The following DAB2IP variants were observed in gnomAD, a reference collection of about 807,000 sequenced individuals.
DAB2IP encodes the protein disabled homolog 2-interacting protein.
In DAB2IP, 28 loss-of-function variants were observed where a neutral mutation model predicts 107.2. That is an observed-to-expected ratio of 0.26 (90% confidence interval 0.19 to 0.36). The LOEUF (loss-of-function observed/expected upper bound fraction) is 0.36. Ranked by LOEUF, DAB2IP falls within the 10% of genes least tolerant of loss-of-function variation. The pLI is 1.00. For synonymous variants in DAB2IP, 755 were observed against 706.4 expected (o/e 1.07, Z -1.09); for missense variants, 1,400 against 1,644.7 (o/e 0.85, Z 2.57).
At chr9:121,643,193 C>T (rs1419288985) in intron 1 of DAB2IP, among the ~76,000 whole-genome samples, 1 of 152,062 alleles carries the variant, frequency 6.6e-6, no homozygotes. Flanking sequence ...GCCCTGGAAT[C>T]TGTTTCTGAA....
intron 1 of DAB2IP, among the ~76,000 whole-genome samples, chr9:121,669,979 A>C (rs1833610606): frequency 6.6e-6 from 1 of 152,124 alleles, no homozygotes; most frequent in African/African-American, 2.4e-5. Context: ...ATGTATGTAG[A>C]TTTGAGTAAC....
rs577786611 is a variant in DAB2IP at position 121,782,832 on chromosome 9, C to T, written c.*334C>T. 8.2e-5 allele frequency: 92 copies of T among 1,121,876 alleles called. No individual in the cohort carries two copies. The highest frequency in any genetic ancestry group is 5.8e-4 in the African/African-American group (36 of 62,254). 69.5% of individuals were successfully genotyped at this position (1,121,876 alleles called of 1,614,324 possible). ...GTGTCCTTGTCCTCCTGGATCTGGC[C>T]GAGTGCATGTGTCCCCCCACACCTG... On this transcript the variant is annotated 3_prime_UTR_variant, in exon 16 of 16. Transcript: ENST00000408936. This position sits in a 1 kb window ranked among gnomAD's most constrained non-coding sequence, Gnocchi z 6.1.
intron 14 of DAB2IP, among the ~76,000 whole-genome samples, chr9:121,780,756 G>C (rs1835557445): frequency 6.6e-6 from 1 of 152,200 alleles, no homozygotes; most frequent in South Asian, 2.1e-4. Flanking sequence ...AGGGCTCCCA[G>C]GCAGGGAGCA....
intron 3 of DAB2IP, among the ~76,000 whole-genome samples, chr9:121,754,177 CATCTT>C (rs1833318660): frequency 6.6e-6 from 1 of 152,194 alleles, no homozygotes; most frequent in Admixed American, 6.5e-5. Context: ...TTAGCCCCCT[CATCTT>C]ATCAGCTACC....
intron 2 of DAB2IP, among the ~76,000 whole-genome samples, chr9:121,680,733 TTTTTTTTTTC>T (rs1388382554): frequency 6.6e-4 from 79 of 120,406 alleles, no homozygotes; most frequent in African/African-American, 2.0e-3. Flanking sequence ...CCCTGATCTC[TTTTTTTTTTC>T]TTTTTTTTTT....
chr9:121,626,391 G>A (rs926826905), intron 1 of DAB2IP, among the ~76,000 whole-genome samples: 2 of 150,036 alleles, frequency 1.3e-5, no homozygotes, highest in African/African-American at 4.9e-5. Context: ...CTGGGCAGAC[G>A]AGATAGTGTA....
intron 12 of DAB2IP, 32 bp from the exon 13 acceptor site, chr9:121,774,228 C>T: frequency 6.4e-7 from 1 of 1,559,120 alleles, no homozygotes; most frequent in Non-Finnish European, 8.7e-7. Context: ...CTCCACCTCC[C>T]TGCAGCCCCT....
At chr9:121,734,303 G>A (rs1831733734) in intron 3 of DAB2IP, among the ~76,000 whole-genome samples, 3 of 142,038 alleles carry the variant, frequency 2.1e-5, no homozygotes, top group Non-Finnish European at 1.5e-5. Context: ...CGTGAACCCA[G>A]GAAGCGGAGC....
intron 1 of DAB2IP, among the ~76,000 whole-genome samples, chr9:121,588,477 G>A (rs1348958143): frequency 1.3e-5 from 2 of 151,010 alleles, no homozygotes; most frequent in East Asian, 2.0e-4. Flanking sequence ...TTCATGCATA[G>A]GAGATCCATC....
chr9:121,585,877 G>T (rs755428912), intron 1 of DAB2IP, among the ~76,000 whole-genome samples: 2 of 151,866 alleles, frequency 1.3e-5, no homozygotes, highest in African/African-American at 4.8e-5. Context: ...GTTAATGAAT[G>T]AATGTAAGAA....
At chr9:121,667,290 A>G (rs2119106893) in intron 1 of DAB2IP, among the ~76,000 whole-genome samples, 1 of 151,556 alleles carries the variant, frequency 6.6e-6, no homozygotes, top group African/African-American at 2.4e-5. Flanking sequence ...GGGGAAAAGC[A>G]CTTTGGGGTA....
chr9:121,608,529 G>A (rs1308598119), intron 1 of DAB2IP, among the ~76,000 whole-genome samples: 1 of 152,130 alleles, frequency 6.6e-6, no homozygotes, highest in African/African-American at 2.4e-5. Flanking sequence ...GTAACTGGTT[G>A]GAGCAGGAGT....
chr9:121,642,031 CTTTCTTTCTTTCTT>C (rs1209618524), intron 1 of DAB2IP, among the ~76,000 whole-genome samples: 6 of 20,092 alleles, frequency 3.0e-4, no homozygotes, highest in African/African-American at 3.9e-4. Flanking sequence ...CTCTCTCTCT[CTTTCTTTCTTTCTT>C]TCTTTCTTTC....
chr9:121,743,681 G>A (rs897347203), intron 3 of DAB2IP, among the ~76,000 whole-genome samples: 3 of 152,216 alleles, frequency 2.0e-5, no homozygotes, highest in Non-Finnish European at 2.9e-5. Context: ...CCGGCCACTC[G>A]GCTTCCCGAG....
chr9:121,712,713 T>A (rs1264352298), intron 3 of DAB2IP, among the ~76,000 whole-genome samples: 1 of 152,200 alleles, frequency 6.6e-6, no homozygotes, highest in Non-Finnish European at 1.5e-5. Flanking sequence ...TTGAAAGGCC[T>A]TGCTCCAAAC....
intron 1 of DAB2IP, among the ~76,000 whole-genome samples, chr9:121,595,602 CAAA>C (rs34697198): frequency 2.6e-4 from 35 of 133,326 alleles, no homozygotes; most frequent in African/African-American, 9.7e-4. Flanking sequence ...GGTGCTGTCT[CAAA>C]AAAAAAAAAA....
chr9:121,577,733 G>A (rs1830097909), intron 1 of DAB2IP, among the ~76,000 whole-genome samples: 1 of 152,194 alleles, frequency 6.6e-6, no homozygotes, highest in African/African-American at 2.4e-5. Flanking sequence ...CTAATGGTGG[G>A]GTGTTAGGCA....
chr9:121,678,921 T>A, intron 2 of DAB2IP, 140 bp downstream of exon 2: 3 of 776,798 alleles, frequency 3.9e-6, no homozygotes. Flanking sequence ...GCTCTAGGTA[T>A]CCGATCCCTC....
At position 121,768,528 on chromosome 9, in the gene DAB2IP, C is replaced by T. The variant is rs780569180; in HGVS notation, c.1794C>T (p.Pro598=). ...GCTTCCTGCTGGAGATCTCCAACCCCGAGACCCTCTCCAATACAGCCGGCT... is the reference window on the plus strand; with the variant it reads ...GCTTCCTGCTGGAGATCTCCAACCCTGAGACCCTCTCCAATACAGCCGGCT... Residue 598 remains proline (P), a synonymous_variant, in exon 10 of 16, where the codon CCC becomes CCT. Coordinates refer to ENST00000408936, the Ensembl canonical transcript of DAB2IP. 26 of 1,614,094 alleles carry T rather than the reference C, an allele frequency of 1.6e-5. 1 individual carries two copies. The highest frequency in any genetic ancestry group is 8.8e-5 in the South Asian group (8 of 91,092).
Sources: gnomAD v4.1 joint callset for allele counts (sites outside exome capture counted in the v4.1 genomes callset) on GRCh38, gnomAD v4.1.1 for gene constraint, Gnocchi (gnomAD v3.1) non-coding constraint, MANE v1.5 for transcripts, NCBI Gene and HGNC (gene_info 2026-07-23, HGNC 2026-07-21) for gene names.